WWOX: variants seen among roughly 807,000 people sequenced by gnomAD.
WWOX encodes WW domain-containing oxidoreductase.
Under a neutral mutation model 46.2 loss-of-function variants are expected in WWOX, and 69 were observed. That is an observed-to-expected ratio of 1.49 (90% CI 1.23 to 1.82). The LOEUF is 1.82. Ranked by LOEUF, WWOX falls within the 40% of genes most tolerant of loss-of-function variation. The pLI is 0.00. For missense variants in WWOX, 919 were observed against 542.6 expected (o/e 1.69, Z -6.89); for synonymous variants, 359 against 202.6 (o/e 1.77, Z -6.56).
intron 8 of WWOX, among the ~76,000 whole-genome samples, chr16:78,476,711 A>G (rs149919461): frequency 1.1e-4 from 17 of 152,314 alleles, no homozygotes; most frequent in South Asian, 4.1e-4. Context: ...CTTAAATTAT[A>G]AGCTAGCTAA....
At chr16:79,164,314 C>A (rs1290991811) in intron 8 of WWOX, among the ~76,000 whole-genome samples, 2 of 152,122 alleles carry the variant, frequency 1.3e-5, no homozygotes, top group Non-Finnish European at 2.9e-5. Context: ...GCTGGTTAAC[C>A]AGTTAAAACG....
At chr16:78,740,859 G>A (rs923014531) in intron 8 of WWOX, among the ~76,000 whole-genome samples, 4 of 152,100 alleles carry the variant, frequency 2.6e-5, no homozygotes, top group African/African-American at 7.2e-5. Flanking sequence ...GATAAAAAGA[G>A]TTGCCATTAT....
intron 8 of WWOX, among the ~76,000 whole-genome samples, chr16:79,136,139 A>T (rs116102223): frequency 2.0e-5 from 3 of 152,134 alleles, no homozygotes; most frequent in African/African-American, 2.4e-5. Context: ...CCAACTGCCA[A>T]TGTTGCCTGA....
Position 79,110,023 on chromosome 16 carries a change from A to G in WWOX, c.1057-101585A>G, listed in dbSNP as rs561618779. On this transcript the variant is annotated intron_variant, in intron 8 of 8. Transcript: ENST00000566780. ...GTCGCAAGGGCTTTGGGAAATCTCAATTTATTGCTAGCCTGGTAGATATTG... is the reference window on the plus strand; with the variant it reads ...GTCGCAAGGGCTTTGGGAAATCTCAGTTTATTGCTAGCCTGGTAGATATTG... 1.2e-4 allele frequency among the ~76,000 whole-genome samples: 19 copies of G among 152,308 alleles called. No individual in the cohort carries two copies. In the East Asian group the frequency reaches 3.7e-3, roughly 29 times the overall value.
At chr16:79,027,797 T>C (rs1051731167) in intron 8 of WWOX, among the ~76,000 whole-genome samples, 2 of 151,808 alleles carry the variant, frequency 1.3e-5, no homozygotes, top group Non-Finnish European at 2.9e-5. Context: ...TAGAAGCATT[T>C]CTCGGGATGG....
chr16:78,189,758 G>A (rs552456574), intron 5 of WWOX, among the ~76,000 whole-genome samples: 24 of 152,188 alleles, frequency 1.6e-4, no homozygotes, highest in African/African-American at 5.1e-4. Context: ...AAGTTCAAGC[G>A]ATTCTCCTGG....
At chr16:78,882,490 T>A (rs1035019374) in intron 8 of WWOX, among the ~76,000 whole-genome samples, 45 of 147,242 alleles carry the variant, frequency 3.1e-4, no homozygotes, top group African/African-American at 1.2e-3. Context: ...TTTTTTTTTT[T>A]AATTGAGATG....
At chr16:78,515,876 A>T (rs767537018) in intron 8 of WWOX, among the ~76,000 whole-genome samples, 1 of 152,226 alleles carries the variant, frequency 6.6e-6, no homozygotes, top group Non-Finnish European at 1.5e-5. Context: ...AGGTAGAAAG[A>T]CACCTGAAGG....
rs1202382681 is a variant in WWOX, at chr16:78,436,098, G to T, written c.1056+3346G>T. 2.6e-5 allele frequency among the ~76,000 whole-genome samples: 4 copies of T among 152,338 alleles called. No individual in the cohort carries two copies. In the South Asian group the frequency reaches 8.3e-4, roughly 32 times the overall value. The stretch of plus-strand genomic sequence containing the variant: ...GTGGTCAAATGACATGCCTAGCTCA[G>T]TGCCTTTCGCATGGGAGGTATGCAG... On this transcript the variant is annotated intron_variant, in intron 8 of 8. Coordinates refer to ENST00000566780, the MANE Select transcript of WWOX (RefSeq NM_016373.4).
At chr16:78,815,419 C>T (rs960398665) in intron 8 of WWOX, among the ~76,000 whole-genome samples, 1 of 152,126 alleles carries the variant, frequency 6.6e-6, no homozygotes, top group African/African-American at 2.4e-5. Flanking sequence ...TGCATGAAAC[C>T]TTGCTGTTTC....
At chr16:78,331,575 C>G (rs753648614) in intron 5 of WWOX, among the ~76,000 whole-genome samples, 27 of 152,218 alleles carry the variant, frequency 1.8e-4, no homozygotes, top group Non-Finnish European at 4.4e-5. Flanking sequence ...CCAGGCAGCA[C>G]ACAGACGTGG....
intron 8 of WWOX, among the ~76,000 whole-genome samples, chr16:79,209,042 ACTGTGTT>A (rs547226682): frequency 6.7e-4 from 102 of 152,288 alleles, no homozygotes; most frequent in Non-Finnish European, 1.3e-3. Context: ...CCTCCTGTGT[ACTGTGTT>A]CTACAAAGCC....
At chr16:78,154,327 A>G (rs1464907116) in intron 4 of WWOX, among the ~76,000 whole-genome samples, 1 of 152,128 alleles carries the variant, frequency 6.6e-6, no homozygotes, top group Admixed American at 6.5e-5. Context: ...GGATAAAATA[A>G]TAATATGAAT....
intron 5 of WWOX, among the ~76,000 whole-genome samples, chr16:78,291,259 T>C (rs774995177): frequency 2.6e-5 from 4 of 152,298 alleles, no homozygotes; most frequent in East Asian, 3.9e-4. Context: ...TGATCTCTCT[T>C]TTGACTCGAT....
chr16:79,035,375 AC>A (rs2047845661), intron 8 of WWOX, among the ~76,000 whole-genome samples: 2 of 151,996 alleles, frequency 1.3e-5, no homozygotes, highest in South Asian at 4.2e-4. Context: ...CAAAAGGCCA[AC>A]CCCATTAGAC....
chr16:78,546,855 G>A (rs931188922), intron 8 of WWOX, among the ~76,000 whole-genome samples: 4 of 152,150 alleles, frequency 2.6e-5, no homozygotes, highest in East Asian at 1.9e-4. Context: ...GGCCAGGCCC[G>A]GTGGCTCATG....
chr16:78,893,010 C>T (rs1172654571), intron 8 of WWOX, among the ~76,000 whole-genome samples: 1 of 152,092 alleles, frequency 6.6e-6, no homozygotes, highest in Non-Finnish European at 1.5e-5. Flanking sequence ...GCAGGAAGCC[C>T]AGCTTCTCTG....
intron 4 of WWOX, chr16:78,119,004 C>T (rs1376913876): frequency 1.3e-5 from 2 of 152,154 alleles, no homozygotes; most frequent in African/African-American, 2.4e-5. Context: ...GCTTGTGGAC[C>T]TCTCTCTGTG....
intron 4 of WWOX, among the ~76,000 whole-genome samples, chr16:78,148,855 G>A (rs1052283784): frequency 3.4e-4 from 40 of 119,306 alleles, no homozygotes; most frequent in Admixed American, 8.6e-4. Context: ...CCGAGATTGC[G>A]CCACTGCACT....
Sources: allele counts gnomAD v4.1 joint callset (sites outside exome capture counted in the v4.1 genomes callset), GRCh38; gene constraint gnomAD v4.1.1; transcripts MANE v1.5; gene names NCBI Gene and HGNC (gene_info 2026-07-23, HGNC 2026-07-21).